SPOCK3: variants seen among roughly 807,000 people sequenced by gnomAD.
SPOCK3 encodes SPARC (osteonectin), cwcv and kazal like domains proteoglycan 3, also known as testican-3.
Under a neutral mutation model 56.6 loss-of-function variants are expected in SPOCK3, and 30 were observed. That is an observed-to-expected ratio of 0.53 (90% confidence interval 0.40 to 0.72). The LOEUF is 0.72. Ranked by LOEUF, SPOCK3 falls within the 30% of genes least tolerant of loss-of-function variation. SPOCK3 has a pLI of 0.00. For synonymous variants in SPOCK3, 196 were observed against 183.3 expected, an observed-to-expected ratio of 1.07 and a Z score of -0.56; for missense variants, 527 against 530.0, an observed-to-expected ratio of 0.99 and a Z score of 0.06.
intron 8 of SPOCK3, among the ~76,000 whole-genome samples, chr4:166,751,803 C>T (rs1203568831): frequency 1.3e-5 from 2 of 152,024 alleles, no homozygotes; most frequent in Non-Finnish European, 1.5e-5. Context: ...ATTCTTAACA[C>T]GTAAGGTAGC....
chr4:167,042,506 G>C (rs531647945), intron 3 of SPOCK3, among the ~76,000 whole-genome samples: 1 of 152,226 alleles, frequency 6.6e-6, no homozygotes, highest in South Asian at 2.1e-4. Context: ...GACAGGCCTG[G>C]TGTTCATACT....
At chr4:167,143,025 G>C (rs1763660663) in intron 2 of SPOCK3, among the ~76,000 whole-genome samples, 1 of 151,876 alleles carries the variant, frequency 6.6e-6, no homozygotes, top group African/African-American at 2.4e-5. Context: ...ATGTGTAAAA[G>C]CCAGAATAAT....
chr4:166,860,445 G>A (rs1225728769), intron 6 of SPOCK3, among the ~76,000 whole-genome samples: 2 of 151,940 alleles, frequency 1.3e-5, no homozygotes, highest in Non-Finnish European at 2.9e-5. Context: ...AAAAGGAAGC[G>A]AGAAAGAGGA....
At chr4:166,801,604 T>A (rs1341689712) in intron 6 of SPOCK3, among the ~76,000 whole-genome samples, 1 of 152,134 alleles carries the variant, frequency 6.6e-6, no homozygotes, top group Non-Finnish European at 1.5e-5. Context: ...GATCAAATAA[T>A]ATAAATATTT....
chr4:166,870,795 T>C (rs866640180), intron 6 of SPOCK3, among the ~76,000 whole-genome samples: 11 of 152,142 alleles, frequency 7.2e-5, no homozygotes, highest in African/African-American at 2.4e-4. Flanking sequence ...TCAAATCTCA[T>C]CTTGAATTAT....
chr4:166,878,112 C>T (rs1177870111), intron 6 of SPOCK3, among the ~76,000 whole-genome samples: 2 of 151,994 alleles, frequency 1.3e-5, no homozygotes, highest in Non-Finnish European at 2.9e-5. Context: ...CCCATCTCTA[C>T]TAAAAAAAAT....
At chr4:167,205,235 A>G (rs1733956035) in intron 2 of SPOCK3, among the ~76,000 whole-genome samples, 1 of 89,736 alleles carries the variant, frequency 1.1e-5, no homozygotes, top group African/African-American at 4.6e-5. Flanking sequence ...TATATCTATA[A>G]TACATATTAT....
At chr4:166,743,809 C>T (rs1048249387) in intron 8 of SPOCK3, among the ~76,000 whole-genome samples, 1 of 152,212 alleles carries the variant, frequency 6.6e-6, no homozygotes, top group Non-Finnish European at 1.5e-5. Flanking sequence ...AGACTATATC[C>T]TGCGCCTGGT....
intron 3 of SPOCK3, among the ~76,000 whole-genome samples, chr4:167,014,869 C>G (rs1278180004): frequency 6.6e-6 from 1 of 151,892 alleles, no homozygotes; most frequent in East Asian, 1.9e-4. Flanking sequence ...TATCCGCATT[C>G]ACAAAAATGT....
intron 4 of SPOCK3, among the ~76,000 whole-genome samples, chr4:166,928,334 T>A (rs115216427): frequency 0.011 from 1,711 of 152,334 alleles, 31 homozygotes; most frequent in African/African-American, 0.039. Context: ...CAACACGTCC[T>A]TCAGTAAGTG....
intron 2 of SPOCK3, among the ~76,000 whole-genome samples, chr4:167,160,751 T>C (rs1580473978): frequency 1.3e-5 from 2 of 152,236 alleles, no homozygotes; most frequent in African/African-American, 4.8e-5. Context: ...GCTACAACTA[T>C]CTGATCTTTG....
chr4:166,747,186 G>A (rs1251533794), intron 8 of SPOCK3, among the ~76,000 whole-genome samples: 1 of 152,136 alleles, frequency 6.6e-6, no homozygotes, highest in Non-Finnish European at 1.5e-5. Context: ...AGCAAACAAA[G>A]AGAATTTCAG....
intron 4 of SPOCK3, among the ~76,000 whole-genome samples, chr4:166,938,801 T>G (rs1306955901): frequency 6.6e-6 from 1 of 152,072 alleles, no homozygotes; most frequent in Non-Finnish European, 1.5e-5. Flanking sequence ...AATCATATAG[T>G]GTGATACCAC....
chr4:166,954,770 C>G (rs1174635275), intron 4 of SPOCK3, among the ~76,000 whole-genome samples: 1 of 152,166 alleles, frequency 6.6e-6, no homozygotes, highest in African/African-American at 2.4e-5. Flanking sequence ...AATCCAATTT[C>G]TCTGTTATCA....
At chr4:167,208,884 T>C (rs1185130600) in intron 2 of SPOCK3, among the ~76,000 whole-genome samples, 4 of 152,184 alleles carry the variant, frequency 2.6e-5, no homozygotes, top group Non-Finnish European at 5.9e-5. Flanking sequence ...ATTAAAATCC[T>C]GTTAACAGCT....
chr4:167,232,007 A>G (rs1048104731), intron 2 of SPOCK3, among the ~76,000 whole-genome samples: 1 of 151,968 alleles, frequency 6.6e-6, no homozygotes, highest in Non-Finnish European at 1.5e-5. Flanking sequence ...TTTAAAATTT[A>G]TGTACAATTT....
intron 3 of SPOCK3, among the ~76,000 whole-genome samples, chr4:167,052,355 T>C (rs930751065): frequency 1.3e-5 from 2 of 152,188 alleles, no homozygotes; most frequent in African/African-American, 2.4e-5. Context: ...TCCTCAGGGA[T>C]ACAAAGGACT....
intron 6 of SPOCK3, among the ~76,000 whole-genome samples, chr4:166,798,326 C>G (rs1254424378): frequency 6.6e-6 from 1 of 152,124 alleles, no homozygotes; most frequent in Non-Finnish European, 1.5e-5. Context: ...TTGATTTACT[C>G]TCTTGTTTTG....
intron 6 of SPOCK3, among the ~76,000 whole-genome samples, chr4:166,847,647 T>TTATATATATATATACATATATATA (rs1553986752): frequency 3.1e-4 from 17 of 55,400 alleles, no homozygotes; most frequent in African/African-American, 8.7e-4. Flanking sequence ...AAATCCTAGT[T>TTATATATATATATACATATATATA]TATATATATA....
Sources: allele counts gnomAD v4.1 joint callset (sites outside exome capture counted in the v4.1 genomes callset), GRCh38; gene constraint gnomAD v4.1.1; transcripts MANE v1.5; gene names NCBI Gene and HGNC (gene_info 2026-07-23, HGNC 2026-07-21).